Variants in MARK2 observed in about 807,000 individuals in gnomAD.
MARK2 encodes microtubule affinity regulating kinase 2.
MARK2 carries 16 observed loss-of-function variants against 89.8 expected under a neutral mutation model. That is an observed-to-expected ratio of 0.18 (90% CI 0.12 to 0.27). MARK2 has a LOEUF of 0.27. Ranked by LOEUF, MARK2 falls within the 10% of genes least tolerant of loss-of-function variation. The probability of loss-of-function intolerance (pLI) is 1.00; values close to 1 mark genes in which losing one functional copy is unlikely to be tolerated. For synonymous variants in MARK2, 382 were observed against 399.5 expected, an observed-to-expected ratio of 0.96 and a Z score of 0.52; for missense variants, 621 against 1,049.9, an observed-to-expected ratio of 0.59 and a Z score of 5.65.
At chr11:63,849,527 C>T (rs1329492789) in intron 1 of MARK2, among the ~76,000 whole-genome samples, 2 of 152,124 alleles carry the variant, frequency 1.3e-5, no homozygotes, top group Admixed American at 6.5e-5. Flanking sequence ...CCAAGGCAGG[C>T]GGATCACCTG....
intron 1 of MARK2, among the ~76,000 whole-genome samples, chr11:63,846,442 G>A (rs556403979): frequency 6.6e-6 from 1 of 151,580 alleles, no homozygotes; most frequent in African/African-American, 2.4e-5. Flanking sequence ...TGCAACCTCC[G>A]CCTCCCGGAT....
In MARK2 at chr11:63,895,571, C is replaced by T. The variant is rs763369848; in HGVS notation, c.235-9C>T. On this transcript the variant is annotated splice_polypyrimidine_tract_variant and intron_variant, in intron 2 of 18. Transcript: ENST00000402010. ...GAAGTGATTTGGGGCCTTTTTGTCT[C>T]ATCCTCAGGTAGCTGTGAAGATCAT... The T allele has an allele frequency of 8.1e-6, 13 of 1,610,454 alleles. No homozygotes were observed. In the African/African-American group the frequency reaches 1.1e-4, roughly 13 times the overall value.
intron 1 of MARK2, among the ~76,000 whole-genome samples, chr11:63,857,471 G>A (rs2016923779): frequency 6.6e-6 from 1 of 152,160 alleles, no homozygotes; most frequent in Admixed American, 6.5e-5. Context: ...ATGAGCCACC[G>A]CCCCAGCCTG....
chr11:63,906,663 C>T (rs936979109), intron 17 of MARK2, among the ~76,000 whole-genome samples: 2 of 152,080 alleles, frequency 1.3e-5, no homozygotes, highest in Non-Finnish European at 2.9e-5. Context: ...ACCTCTTCCC[C>T]GTGGCCTATG....
Position 63,903,232 on chromosome 11 carries a change from C to T in MARK2, c.1514+74C>T, listed in dbSNP as rs1565145448. On this transcript the variant is annotated intron_variant, in intron 14 of 18. Coordinates refer to ENST00000402010, the MANE Select transcript of MARK2 (RefSeq NM_001039469.3). This position sits in a 1 kb window ranked among gnomAD's most constrained non-coding sequence, Gnocchi z 5.1. Reference sequence around the variant, plus strand: ...ACAGGGTGATGTCTGTCAGCAGCACCGTCTCCTGTCCCTGCCAGCGCATTG... The same window carrying T: ...ACAGGGTGATGTCTGTCAGCAGCACTGTCTCCTGTCCCTGCCAGCGCATTG... 1 of 1,148,486 alleles carries T rather than the reference C, an allele frequency of 8.7e-7. No homozygotes were observed. The highest frequency in any genetic ancestry group is 1.3e-6 in the Non-Finnish European group (1 of 766,860). The allele number at this position is 1,148,486 out of a possible 1,614,324, so 71.1% of individuals were successfully genotyped here. A position where few individuals can be genotyped will look rare whatever the true frequency, so the allele number is the denominator to read the frequency against.
rs1477083894 is a variant in MARK2, at chr11:63,910,727, A to G, written c.*1490A>G. 6.7e-6 allele frequency: 1 copy of G among 149,974 alleles called. No individual in the cohort carries two copies. Among genetic ancestry groups the G allele is most frequent in the Non-Finnish European group, 1.5e-5 (1 of 67,756 alleles). 9.3% of individuals were successfully genotyped at this position (149,974 alleles called of 1,614,324 possible). A position where few individuals can be genotyped will look rare whatever the true frequency, so the allele number is the denominator to read the frequency against. ...GCTCCCAGGCCAGGCTCAGCGATTA[A>G]GCCGAGCCCTTGCGTCCTAGGAAGG... On this transcript the variant is annotated 3_prime_UTR_variant, in exon 19 of 19. Coordinates refer to ENST00000402010, the MANE Select transcript of MARK2 (RefSeq NM_001039469.3).
chr11:63,842,754 C>T (rs1169233833), intron 1 of MARK2, among the ~76,000 whole-genome samples: 2 of 152,054 alleles, frequency 1.3e-5, no homozygotes, highest in Non-Finnish European at 2.9e-5. Context: ...TCCTCTGTCA[C>T]CTTATTTAAA....
In MARK2 at chr11:63,839,154, C is replaced by G. The variant is rs2015872756; in HGVS notation, c.-353C>G. The G allele has an allele frequency of 5.0e-6, 1 of 199,266 alleles. No individual in the cohort carries two copies. Among genetic ancestry groups the G allele is most frequent in the Admixed American group, 5.9e-5 (1 of 16,830 alleles). 12.3% of individuals were successfully genotyped at this position (199,266 alleles called of 1,614,324 possible). ...TTGGGAGCAGCAGGTCCGGCGGCGG[C>G]TGCCTGTGTGCCGGGCGCGGAGCAG... On this transcript the variant is annotated 5_prime_UTR_variant, in exon 1 of 19. Coordinates refer to ENST00000402010, the MANE Select transcript of MARK2 (RefSeq NM_001039469.3).
chr11:63,844,196 C>T (rs1424593429), intron 1 of MARK2, among the ~76,000 whole-genome samples: 1 of 152,222 alleles, frequency 6.6e-6, no homozygotes, highest in Non-Finnish European at 1.5e-5. Context: ...TAATTTCTCT[C>T]TGGTCAGGCA....
At chr11:63,860,626 G>A (rs1329910542) in intron 1 of MARK2, among the ~76,000 whole-genome samples, 13 of 146,536 alleles carry the variant, frequency 8.9e-5, no homozygotes, top group East Asian at 8.4e-4. Flanking sequence ...TGGGAGGCCA[G>A]GGCGGGTGGA....
intron 6 of MARK2, 65 bp downstream of exon 6, chr11:63,898,898 A>T: frequency 6.9e-7 from 1 of 1,457,822 alleles, no homozygotes; most frequent in Non-Finnish European, 9.6e-7. Flanking sequence ...ACATGTAAGG[A>T]TAAGCTGCCT....
At chr11:63,859,413 CA>C (rs1565102836) in intron 1 of MARK2, among the ~76,000 whole-genome samples, 1 of 151,424 alleles carries the variant, frequency 6.6e-6, no homozygotes, top group Non-Finnish European at 1.5e-5. Flanking sequence ...CTCCGCCTCA[CA>C]GGTTCAAGCA....
At chr11:63,886,317 TCTCA>T (rs1410437469) in intron 1 of MARK2, among the ~76,000 whole-genome samples, 1 of 151,866 alleles carries the variant, frequency 6.6e-6, no homozygotes, top group East Asian at 1.9e-4. Flanking sequence ...AGAGAGAGGG[TCTCA>T]CTCTGTTGCC....
chr11:63,856,368 C>T (rs2016851061), intron 1 of MARK2, among the ~76,000 whole-genome samples: 2 of 120,088 alleles, frequency 1.7e-5, no homozygotes, highest in Admixed American at 9.8e-5. Context: ...CTTTTTCTCC[C>T]CTTTTTTCTT....
At chr11:63,840,237 C>A (rs1243505462) in intron 1 of MARK2, among the ~76,000 whole-genome samples, 1 of 152,192 alleles carries the variant, frequency 6.6e-6, no homozygotes, top group African/African-American at 2.4e-5. Flanking sequence ...TGGATCCTGG[C>A]GCTGGCATTT....
intron 1 of MARK2, among the ~76,000 whole-genome samples, chr11:63,852,102 A>C (rs1953303524): frequency 6.6e-6 from 1 of 152,226 alleles, no homozygotes; most frequent in African/African-American, 2.4e-5. Flanking sequence ...ACCAGTATAC[A>C]GTGGCATTTT....
chr11:63,849,610 C>T (rs1035483107), intron 1 of MARK2, among the ~76,000 whole-genome samples: 5 of 152,066 alleles, frequency 3.3e-5, no homozygotes, highest in Non-Finnish European at 5.9e-5. Flanking sequence ...AAAATTAGCC[C>T]GGTGTGGTGT....
Position 63,899,040 on chromosome 11 carries a change from C to T in MARK2, c.475-12C>T. On this transcript the variant is annotated splice_polypyrimidine_tract_variant and intron_variant, in intron 6 of 18. Transcript: ENST00000402010. ...AGGCACCCCTGGGTTAACCCTTCTTCCTTCCTTTCAGATAGTGTCTGCTGT... is the reference window on the plus strand; with the variant it reads ...AGGCACCCCTGGGTTAACCCTTCTTTCTTCCTTTCAGATAGTGTCTGCTGT... The T allele has an allele frequency of 6.2e-7, 1 of 1,606,244 alleles. No homozygotes were observed. The highest frequency in any genetic ancestry group is 1.1e-5 in the South Asian group (1 of 90,922).
Position 63,844,230 on chromosome 11 carries a change from A to G in MARK2, c.54+4670A>G, listed in dbSNP as rs571084941. ...CACCATGGCTCATGCCTGTAGTCCT[A>G]GCACTTTGGGAAGCCAAGGCAGGAG... On this transcript the variant is annotated intron_variant, in intron 1 of 18. Coordinates refer to ENST00000402010, the MANE Select transcript of MARK2 (RefSeq NM_001039469.3). 1.5e-4 allele frequency among the ~76,000 whole-genome samples: 23 copies of G among 152,370 alleles called. No individual in the cohort carries two copies. The South Asian group carries it at 4.1e-3, about 27-fold the overall frequency.
Sources: allele counts gnomAD v4.1 joint callset (sites outside exome capture counted in the v4.1 genomes callset), GRCh38; gene constraint gnomAD v4.1.1; non-coding constraint Gnocchi (gnomAD v3.1); transcripts MANE v1.5; gene names NCBI Gene and HGNC (gene_info 2026-07-23, HGNC 2026-07-21).